ZZZ3: variants seen among roughly 807,000 people sequenced by gnomAD.
ZZZ3 encodes the protein ZZ-type zinc finger-containing protein 3.
A neutral mutation model predicts 95.2 loss-of-function variants in ZZZ3; 22 were observed. The ratio of observed to expected loss-of-function variants is 0.23; its 90% CI spans 0.17 to 0.33. ZZZ3 has a LOEUF of 0.33. Ranked by LOEUF, ZZZ3 falls within the 10% of genes least tolerant of loss-of-function variation. The pLI is 1.00. For missense variants in ZZZ3, 885 were observed against 1,066.5 expected, an observed-to-expected ratio of 0.83 and a Z score of 2.37; for synonymous variants, 335 against 358.9, an observed-to-expected ratio of 0.93 and a Z score of 0.75.
chr1:77,639,610 AT>A lies in ZZZ3; in HGVS notation c.-205-9del. 1 of 488,296 alleles carries A rather than the reference AT, an allele frequency of 2.0e-6. No homozygotes were observed. Among genetic ancestry groups the A allele is most frequent in the Non-Finnish European group, 3.4e-6 (1 of 294,544 alleles). The allele number at this position is 488,296 out of a possible 1,614,324, so 30.2% of individuals were successfully genotyped here. Reference sequence around the variant, plus strand: ...AGAACCTCCTAAATTTTTCTTTAAAATAAAATAATGAAAAAAAAGGATTAAA... The same window carrying A: ...AGAACCTCCTAAATTTTTCTTTAAAAAAAATAATGAAAAAAAAGGATTAAA... On this transcript the variant is annotated splice_polypyrimidine_tract_variant and intron_variant, in intron 3 of 14. Coordinates refer to ENST00000370801, the MANE Select transcript of ZZZ3 (RefSeq NM_015534.6).
chr1:77,644,211 G>A (rs1295269918), intron 1 of ZZZ3, among the ~76,000 whole-genome samples: 9 of 151,952 alleles, frequency 5.9e-5, no homozygotes, highest in African/African-American at 2.2e-4. Context: ...GATTACAGGC[G>A]CCTGCCACCA....
At chr1:77,596,745 A>C (rs1281086208) in intron 5 of ZZZ3, among the ~76,000 whole-genome samples, 1 of 152,124 alleles carries the variant, frequency 6.6e-6, no homozygotes, top group Non-Finnish European at 1.5e-5. Context: ...ACTGATGTCC[A>C]TATATAATGA....
chr1:77,623,279 G>T (rs1041898168), intron 5 of ZZZ3, among the ~76,000 whole-genome samples: 1 of 152,064 alleles, frequency 6.6e-6, no homozygotes, highest in Non-Finnish European at 1.5e-5. Context: ...TTTGTGGGAC[G>T]GAGTATCAAA....
intron 4 of ZZZ3, among the ~76,000 whole-genome samples, chr1:77,635,020 T>A (rs1348530622): frequency 6.6e-6 from 1 of 152,114 alleles, no homozygotes; most frequent in Non-Finnish European, 1.5e-5. Context: ...CATGTAAACC[T>A]CCAAATGCCA....
At chr1:77,579,679 T>C (rs1476703715) in intron 9 of ZZZ3, 51 bp from the exon 10 acceptor site, 10 of 1,076,686 alleles carry the variant, frequency 9.3e-6, no homozygotes, top group Non-Finnish European at 1.4e-5. Flanking sequence ...TAATTTTAAA[T>C]ATTGGATTTC....
chr1:77,631,939 A>G lies in ZZZ3; in HGVS notation c.1416T>C (p.Ser472=). The change falls in exon 5 of 15, where the codon AGT becomes AGC. Residue 472 remains serine, a synonymous_variant. Coordinates refer to ENST00000370801, the MANE Select transcript of ZZZ3 (RefSeq NM_015534.6). Reference sequence around the variant, plus strand: ...CCTCTTCTGTAATGTGCTGACTGGCACTCTCTTTGGCAGATGGCAAATGTC... The same window carrying G: ...CCTCTTCTGTAATGTGCTGACTGGCGCTCTCTTTGGCAGATGGCAAATGTC... ...NIGHLPSAKE[S]ASQHITEEED... The G allele has an allele frequency of 6.2e-7, 1 of 1,613,898 alleles. No homozygotes were observed. The highest frequency in any genetic ancestry group is 1.1e-5 in the South Asian group (1 of 91,066).
intron 1 of ZZZ3, among the ~76,000 whole-genome samples, chr1:77,678,739 T>G (rs1249227643): frequency 6.6e-6 from 1 of 152,234 alleles, no homozygotes; most frequent in East Asian, 1.9e-4. Context: ...GATTTTTATC[T>G]GTGGACTAAT....
chr1:77,664,313 C>A (rs1671074549), intron 1 of ZZZ3, among the ~76,000 whole-genome samples: 1 of 152,012 alleles, frequency 6.6e-6, no homozygotes, highest in African/African-American at 2.4e-5. Flanking sequence ...GACTTTCTCC[C>A]CTCTTCAATT....
intron 5 of ZZZ3, among the ~76,000 whole-genome samples, chr1:77,613,782 C>T (rs150169347): frequency 1.7e-4 from 26 of 152,216 alleles, no homozygotes; most frequent in African/African-American, 6.0e-4. Flanking sequence ...CAAGTTATAT[C>T]CTACATATTG....
intron 4 of ZZZ3, among the ~76,000 whole-genome samples, chr1:77,635,512 T>G (rs1668213350): frequency 6.6e-6 from 1 of 152,248 alleles, no homozygotes; most frequent in African/African-American, 2.4e-5. Context: ...TCATGAAGAT[T>G]ACAATCTGTT....
At chr1:77,575,946 A>C (rs1661892332) in intron 12 of ZZZ3, 122 bp downstream of exon 12, 1 of 769,508 alleles carries the variant, frequency 1.3e-6, no homozygotes, top group East Asian at 2.8e-5. Flanking sequence ...CATTACTTAA[A>C]AACTATACAT....
chr1:77,657,519 C>T (rs1670380729), intron 1 of ZZZ3, among the ~76,000 whole-genome samples: 1 of 152,166 alleles, frequency 6.6e-6, no homozygotes, highest in Non-Finnish European at 1.5e-5. Flanking sequence ...TGTTTAACCT[C>T]ATTTGGAAAT....
intron 1 of ZZZ3, among the ~76,000 whole-genome samples, chr1:77,676,085 T>C (rs1027572312): frequency 6.6e-6 from 1 of 152,234 alleles, no homozygotes; most frequent in Non-Finnish European, 1.5e-5. Flanking sequence ...CATCCTAAAC[T>C]GTTAATCTTA....
At chr1:77,651,205 G>A (rs1029200906) in intron 1 of ZZZ3, among the ~76,000 whole-genome samples, 1 of 152,096 alleles carries the variant, frequency 6.6e-6, no homozygotes, top group Non-Finnish European at 1.5e-5. Flanking sequence ...GCAACAAAGA[G>A]AGACCCCATC....
intron 5 of ZZZ3, among the ~76,000 whole-genome samples, chr1:77,593,506 C>A (rs1434710802): frequency 6.6e-6 from 1 of 152,058 alleles, no homozygotes; most frequent in African/African-American, 2.4e-5. Context: ...TAGGTGGTTA[C>A]AAGTTTTTAA....
intron 1 of ZZZ3, among the ~76,000 whole-genome samples, chr1:77,663,992 C>T (rs1007423680): frequency 6.6e-6 from 1 of 151,794 alleles, no homozygotes; most frequent in Admixed American, 6.6e-5. Context: ...TCAGGTGATC[C>T]GCCCGCCTCA....
At chr1:77,661,642 C>T (rs552035352) in intron 1 of ZZZ3, among the ~76,000 whole-genome samples, 8 of 152,156 alleles carry the variant, frequency 5.3e-5, no homozygotes, top group Admixed American at 4.6e-4. Context: ...CTTTTCTCTT[C>T]CATGAAAGAA....
chr1:77,584,193 C>G (rs1224104386), intron 6 of ZZZ3, among the ~76,000 whole-genome samples: 2 of 151,906 alleles, frequency 1.3e-5, no homozygotes, highest in Non-Finnish European at 2.9e-5. Flanking sequence ...TTATTAATCC[C>G]TAAGTCCTGA....
At chr1:77,673,454 A>G (rs1166626776) in intron 1 of ZZZ3, among the ~76,000 whole-genome samples, 1 of 152,062 alleles carries the variant, frequency 6.6e-6, no homozygotes, top group East Asian at 1.9e-4. Flanking sequence ...AAAATTAGCC[A>G]GGCATGGTGG....
Sources: allele counts gnomAD v4.1 joint callset (sites outside exome capture counted in the v4.1 genomes callset), GRCh38; gene constraint gnomAD v4.1.1; transcripts MANE v1.5; gene names NCBI Gene and HGNC (gene_info 2026-07-23, HGNC 2026-07-21).